RERE: variants seen among roughly 807,000 people sequenced by gnomAD.
RERE encodes arginine-glutamic acid dipeptide repeats protein.
RERE carries 40 observed loss-of-function variants against 146.1 expected under a neutral mutation model. The observed-to-expected ratio is 0.27, with a 90% CI of 0.21 to 0.36. The LOEUF (loss-of-function observed/expected upper bound fraction) is 0.36. Ranked by LOEUF, RERE falls within the 10% of genes least tolerant of loss-of-function variation. The pLI is 1.00. For synonymous variants in RERE, 1,003 were observed against 866.0 expected (o/e 1.16, Z -2.78); for missense variants, 1,933 against 2,138.7 (o/e 0.90, Z 1.90).
At chr1:8,389,595 G>A (rs1285632519) in intron 12 of RERE, among the ~76,000 whole-genome samples, 2 of 152,084 alleles carry the variant, frequency 1.3e-5, no homozygotes, top group Non-Finnish European at 1.5e-5. Context: ...CGCCACACAT[G>A]CTAACAAAAA....
chr1:8,627,996 G>A (rs1646994573), intron 2 of RERE, among the ~76,000 whole-genome samples: 1 of 152,158 alleles, frequency 6.6e-6, no homozygotes, highest in Non-Finnish European at 1.5e-5. Context: ...GCTGCCATGA[G>A]GGATAAGCAT....
At chr1:8,409,228 A>G (rs1267019837) in intron 12 of RERE, among the ~76,000 whole-genome samples, 1 of 152,216 alleles carries the variant, frequency 6.6e-6, no homozygotes, top group Non-Finnish European at 1.5e-5. Context: ...CCGATTGCTG[A>G]GGATTCATGT....
chr1:8,624,790 C>T (rs1275682976), intron 2 of RERE, among the ~76,000 whole-genome samples: 1 of 152,140 alleles, frequency 6.6e-6, no homozygotes, highest in Non-Finnish European at 1.5e-5. Context: ...GGCTTTGCCA[C>T]GTGCTACTAT....
chr1:8,457,537 A>G (rs1644466356), intron 11 of RERE, among the ~76,000 whole-genome samples: 2 of 152,204 alleles, frequency 1.3e-5, no homozygotes, highest in South Asian at 2.1e-4. Flanking sequence ...GAAGATGGCA[A>G]TTAGGGGGCT....
At chr1:8,796,132 T>C (rs1251184032) in intron 1 of RERE, among the ~76,000 whole-genome samples, 1 of 151,904 alleles carries the variant, frequency 6.6e-6, no homozygotes, top group Non-Finnish European at 1.5e-5. Context: ...AATAGTATTC[T>C]GCCATAGGCC....
intron 7 of RERE, among the ~76,000 whole-genome samples, chr1:8,520,939 T>C (rs559150344): frequency 2.4e-4 from 37 of 151,806 alleles, no homozygotes; most frequent in African/African-American, 8.9e-4. Flanking sequence ...CAAGCAAGCA[T>C]GTCTACAACA....
chr1:8,529,274 T>A (rs1443294138), intron 7 of RERE, among the ~76,000 whole-genome samples: 1 of 137,918 alleles, frequency 7.3e-6, no homozygotes, highest in Admixed American at 8.0e-5. Flanking sequence ...TCCACAACCA[T>A]CAGTTCTCCC....
chr1:8,370,956 C>T (rs1021549571), intron 12 of RERE, among the ~76,000 whole-genome samples: 1 of 152,174 alleles, frequency 6.6e-6, no homozygotes, highest in Non-Finnish European at 1.5e-5. Context: ...AAAATGTTGT[C>T]GACATGAATG....
intron 1 of RERE, among the ~76,000 whole-genome samples, chr1:8,725,438 C>T (rs1052453643): frequency 1.3e-5 from 2 of 152,084 alleles, no homozygotes; most frequent in East Asian, 1.9e-4. Flanking sequence ...TGGTGGTGGG[C>T]GCCTGTAGTC....
chr1:8,800,399 G>T (rs926923938), intron 1 of RERE, among the ~76,000 whole-genome samples: 3 of 152,084 alleles, frequency 2.0e-5, no homozygotes, highest in African/African-American at 7.2e-5. Context: ...CACTCAGAAC[G>T]AAGTATTCCA....
intron 1 of RERE, among the ~76,000 whole-genome samples, chr1:8,751,521 C>T (rs1418598151): frequency 6.6e-6 from 1 of 152,028 alleles, no homozygotes; most frequent in African/African-American, 2.4e-5. Context: ...TAAACTACAC[C>T]GAAGTCAAAC....
chr1:8,449,018 G>T (rs1472685455), intron 11 of RERE, among the ~76,000 whole-genome samples: 1 of 152,138 alleles, frequency 6.6e-6, no homozygotes, highest in East Asian at 1.9e-4. Flanking sequence ...GTTAACTTGG[G>T]GACAGCCCTG....
In RERE at chr1:8,807,186, G is replaced by A. The variant is rs1641707597; in HGVS notation, c.-145+9974C>T. The A allele has an allele frequency of 2.0e-5, 3 of 152,140 alleles. No individual in the cohort carries two copies. The South Asian group carries it at 6.2e-4, about 32-fold the overall frequency. The allele number at this position is 152,140 out of a possible 1,614,324, so 9.4% of individuals were successfully genotyped here. Reference sequence around the variant, plus strand: ...CCCGCCTCAGCCTTCTGAGTAGCTTGGGCTACAGGCACGTGCTACCACGCC... The same window carrying A: ...CCCGCCTCAGCCTTCTGAGTAGCTTAGGCTACAGGCACGTGCTACCACGCC... On this transcript the variant is annotated intron_variant, in intron 1 of 22. Transcript: ENST00000400908.
At chr1:8,690,582 A>T (rs886442184) in intron 1 of RERE, among the ~76,000 whole-genome samples, 2 of 152,256 alleles carry the variant, frequency 1.3e-5, no homozygotes, top group Non-Finnish European at 2.9e-5. Context: ...GATTTAGACA[A>T]TGTAAAATAA....
chr1:8,399,461 A>G (rs542971291), intron 12 of RERE, among the ~76,000 whole-genome samples: 66 of 152,308 alleles, frequency 4.3e-4, no homozygotes, highest in Middle Eastern at 6.8e-3. Context: ...CCCCACGGAT[A>G]TCACATAGTT....
chr1:8,357,004 C>T (rs1482922337), intron 20 of RERE, among the ~76,000 whole-genome samples: 1 of 152,210 alleles, frequency 6.6e-6, no homozygotes, highest in Non-Finnish European at 1.5e-5. Flanking sequence ...ACCTCCTCAG[C>T]GGACCTCTCC....
chr1:8,471,789 T>C (rs763328665), intron 10 of RERE, among the ~76,000 whole-genome samples: 7 of 152,036 alleles, frequency 4.6e-5, no homozygotes, highest in African/African-American at 7.2e-5. Context: ...GCTGGGATTA[T>C]AGGCATGAGC....
In RERE at chr1:8,361,134, G is replaced by C. The variant is rs764607640; in HGVS notation, c.2373C>G (p.Pro791=). ...ASQAPNQPQA[P]TAPVPHTHIQ... ...TGTGGGTGTGGGGAACAGGCGCTGT[G>C]GGAGCCTGTGGCTGGTTAGGGGCCT... The change falls in exon 18 of 23, where the codon CCC becomes CCG. Residue 791 remains proline, a synonymous_variant. Transcript: ENST00000400908. 2 of 1,446,134 alleles carry C rather than the reference G, an allele frequency of 1.4e-6. No individual in the cohort carries two copies. 89.6% of individuals were successfully genotyped at this position (1,446,134 alleles called of 1,614,324 possible).
intron 1 of RERE, chr1:8,806,018 A>T (rs375143449): frequency 6.6e-6 from 1 of 151,552 alleles, no homozygotes; most frequent in African/African-American, 2.4e-5. Flanking sequence ...TGCCCAGCTA[A>T]TTTTTGTACT....
Sources: allele counts gnomAD v4.1 joint callset (sites outside exome capture counted in the v4.1 genomes callset), GRCh38; gene constraint gnomAD v4.1.1; transcripts MANE v1.5; gene names NCBI Gene and HGNC (gene_info 2026-07-23, HGNC 2026-07-21).